The following LMCD1 variants were observed in gnomAD, a reference collection of about 807,000 sequenced individuals.
LMCD1 encodes the protein LIM and cysteine rich domains 1.
A neutral mutation model predicts 42.7 loss-of-function variants in LMCD1; 32 were observed. The observed-to-expected ratio is 0.75, with a 90% CI of 0.57 to 1.01. The LOEUF (loss-of-function observed/expected upper bound fraction) is 1.01, where lower values mean the gene tolerates loss of function less well. Among genes scored for constraint, LMCD1 ranks in the 50% least tolerant of loss-of-function variants. The pLI, the probability that LMCD1 is intolerant of heterozygous loss-of-function variation, is 0.00. For synonymous variants in LMCD1, 178 were observed against 184.9 expected (o/e 0.96, Z 0.30); for missense variants, 458 against 483.1 (o/e 0.95, Z 0.49).
At chr3:8,542,667 T>C (rs570764231) in intron 3 of LMCD1, among the ~76,000 whole-genome samples, 1 of 152,358 alleles carries the variant, frequency 6.6e-6, no homozygotes, top group South Asian at 2.1e-4. Flanking sequence ...GGGAATATTT[T>C]TCCTCTTGGA....
intron 3 of LMCD1, 38 bp from the exon 4 acceptor site, chr3:8,548,530 T>C: frequency 4.8e-6 from 7 of 1,446,366 alleles, no homozygotes; most frequent in Non-Finnish European, 6.6e-6. Flanking sequence ...TGAAGCCCCA[T>C]CCACATCATG....
At chr3:8,565,359 G>A in intron 4 of LMCD1, 73 bp from the exon 5 acceptor site, 1 of 1,333,028 alleles carries the variant, frequency 7.5e-7, no homozygotes, top group Non-Finnish European at 1.1e-6. Flanking sequence ...AAAGGCTGGA[G>A]CTGGAATTCG....
intron 1 of LMCD1, among the ~76,000 whole-genome samples, chr3:8,508,975 C>G (rs570742275): frequency 1.0e-3 from 157 of 152,312 alleles, no homozygotes; most frequent in Non-Finnish European, 1.9e-3. Flanking sequence ...TAGATGTGAC[C>G]TGCAGCTCTT....
intron 4 of LMCD1, among the ~76,000 whole-genome samples, chr3:8,557,032 T>C (rs1372268353): frequency 1.3e-5 from 2 of 151,954 alleles, no homozygotes; most frequent in African/African-American, 2.4e-5. Flanking sequence ...AAAACTGAGG[T>C]TCAGAGGGTT....
chr3:8,527,147 TATC>T (rs1694316660), intron 1 of LMCD1, among the ~76,000 whole-genome samples: 1 of 152,198 alleles, frequency 6.6e-6, no homozygotes, highest in Non-Finnish European at 1.5e-5. Flanking sequence ...TTAGATGAAA[TATC>T]ATGAAAATGT....
At chr3:8,508,796 T>C (rs1328047126) in intron 1 of LMCD1, among the ~76,000 whole-genome samples, 1 of 152,222 alleles carries the variant, frequency 6.6e-6, no homozygotes, top group Admixed American at 6.5e-5. Context: ...GAGTGTCTGC[T>C]GTATTCTGTC....
Position 8,568,159 on chromosome 3 carries a change from T to C in LMCD1, c.*561T>C, listed in dbSNP as rs1481287177. On this transcript the variant is annotated 3_prime_UTR_variant, in exon 6 of 6. Transcript: ENST00000157600. ...CTAATTATTTACACCATGGCAGTGATTTTGCAACACCCAGTGCTGGCAGAA... is the reference window on the plus strand; with the variant it reads ...CTAATTATTTACACCATGGCAGTGACTTTGCAACACCCAGTGCTGGCAGAA... 1 of 152,200 alleles carries C rather than the reference T, an allele frequency of 6.6e-6. No homozygotes were observed. Among genetic ancestry groups the C allele is most frequent in the African/African-American group, 2.4e-5 (1 of 41,450 alleles). The allele number at this position is 152,200 out of a possible 1,614,324, so 9.4% of individuals were successfully genotyped here.
chr3:8,529,252 T>G (rs974040928), intron 1 of LMCD1, among the ~76,000 whole-genome samples: 1 of 152,210 alleles, frequency 6.6e-6, no homozygotes, highest in African/African-American at 2.4e-5. Context: ...TGGCATGCAG[T>G]GGACAAATGA....
intron 1 of LMCD1, among the ~76,000 whole-genome samples, chr3:8,532,411 A>T (rs909411872): frequency 3.9e-5 from 6 of 151,984 alleles, no homozygotes; most frequent in Non-Finnish European, 5.9e-5. Flanking sequence ...AGGGTGGGGG[A>T]TGGAATAGAT....
chr3:8,560,151 G>C (rs375676026), intron 4 of LMCD1, among the ~76,000 whole-genome samples: 123 of 117,542 alleles, frequency 1.0e-3, no homozygotes, highest in African/African-American at 4.6e-3. Flanking sequence ...TATAATCCCA[G>C]CACTTTAGGA....
At chr3:8,545,820 A>G (rs1053211875) in intron 3 of LMCD1, among the ~76,000 whole-genome samples, 8 of 152,288 alleles carry the variant, frequency 5.3e-5, no homozygotes, top group Admixed American at 2.0e-4. Flanking sequence ...CAGAGATTTG[A>G]AAAGAGAAAA....
At chr3:8,545,389 G>C (rs1694715374) in intron 3 of LMCD1, among the ~76,000 whole-genome samples, 1 of 152,200 alleles carries the variant, frequency 6.6e-6, no homozygotes, top group Non-Finnish European at 1.5e-5. Context: ...ACTTGGAGCA[G>C]AGTAAGAGCT....
intron 3 of LMCD1, among the ~76,000 whole-genome samples, chr3:8,538,250 A>G (rs765779883): frequency 1.3e-5 from 2 of 152,170 alleles, no homozygotes; most frequent in African/African-American, 2.4e-5. Context: ...GCTCATCAGA[A>G]TGCATCCAGC....
chr3:8,533,309 C>T (rs938956484), intron 2 of LMCD1, among the ~76,000 whole-genome samples: 1 of 152,122 alleles, frequency 6.6e-6, no homozygotes, highest in African/African-American at 2.4e-5. Context: ...CACAGGAGGA[C>T]CATAAGATCC....
chr3:8,546,521 C>T (rs978428144), intron 3 of LMCD1, among the ~76,000 whole-genome samples: 12 of 152,166 alleles, frequency 7.9e-5, no homozygotes, highest in African/African-American at 7.2e-5. Context: ...GTCACACCGC[C>T]GGCATGCCTA....
At chr3:8,546,550 A>G (rs1694738502) in intron 3 of LMCD1, among the ~76,000 whole-genome samples, 1 of 152,240 alleles carries the variant, frequency 6.6e-6, no homozygotes, top group South Asian at 2.1e-4. Flanking sequence ...ATTTCAGTTC[A>G]GGACAAGCCG....
chr3:8,518,234 C>A (rs1694133927), intron 1 of LMCD1, among the ~76,000 whole-genome samples: 1 of 152,204 alleles, frequency 6.6e-6, no homozygotes, highest in Non-Finnish European at 1.5e-5. Flanking sequence ...GCAATGAGCC[C>A]AGACCAGAAA....
Position 8,567,386 on chromosome 3 carries a change from T to A in LMCD1, c.940-54T>A, listed in dbSNP as rs1695146945. On this transcript the variant is annotated intron_variant, in intron 5 of 5. Coordinates refer to ENST00000157600, the MANE Select transcript of LMCD1 (RefSeq NM_014583.4). ...CCTATAACTTGTCCTAGATATACCG[T>A]CTCTACCTAGGGACAGAAACTGAGT... 3.2e-6 allele frequency: 5 copies of A among 1,576,178 alleles called. No individual in the cohort carries two copies. The Admixed American group carries it at 8.4e-5, about 27-fold the overall frequency.
At chr3:8,520,606 G>C (rs73130037) in intron 1 of LMCD1, among the ~76,000 whole-genome samples, 7,063 of 152,238 alleles carry the variant, frequency 0.046, 291 homozygotes, top group African/African-American at 0.1. Flanking sequence ...TGGATAACTT[G>C]TGGCTCATAG....
Sources: allele counts gnomAD v4.1 joint callset (sites outside exome capture counted in the v4.1 genomes callset), GRCh38; gene constraint gnomAD v4.1.1; transcripts MANE v1.5; gene names NCBI Gene and HGNC (gene_info 2026-07-23, HGNC 2026-07-21).